The following MYO3B variants were observed in gnomAD, a reference collection of about 807,000 sequenced individuals.
MYO3B encodes the protein myosin IIIB.
Under a neutral mutation model 174.6 loss-of-function variants are expected in MYO3B, and 156 were observed. The observed-to-expected ratio is 0.89, with a 90% CI of 0.78 to 1.02. MYO3B has a LOEUF of 1.02. MYO3B is among the 50% of genes least tolerant of loss of function. MYO3B has a pLI of 0.00. For missense variants in MYO3B, 1,632 were observed against 1,639.4 expected (o/e 1.00, Z 0.08); for synonymous variants, 563 against 569.1 (o/e 0.99, Z 0.15).
intron 7 of MYO3B, among the ~76,000 whole-genome samples, chr2:170,247,550 C>A (rs748105966): frequency 1.3e-5 from 2 of 152,180 alleles, no homozygotes; most frequent in Non-Finnish European, 2.9e-5. Context: ...TTAGTTCATT[C>A]AAGCTGCTAT....
chr2:170,586,214 T>C (rs563233068), intron 32 of MYO3B, among the ~76,000 whole-genome samples: 277 of 152,310 alleles, frequency 1.8e-3, no homozygotes, highest in Middle Eastern at 0.014. Flanking sequence ...TATCTCTAGA[T>C]TCCTTTGTGT....
intron 32 of MYO3B, among the ~76,000 whole-genome samples, chr2:170,614,335 A>G (rs1363346135): frequency 6.6e-6 from 1 of 152,214 alleles, no homozygotes; most frequent in African/African-American, 2.4e-5. Context: ...ACTACTCAAC[A>G]CATAGTAGCT....
intron 32 of MYO3B, among the ~76,000 whole-genome samples, chr2:170,610,317 G>A (rs879546725): frequency 1.6e-4 from 24 of 151,498 alleles, no homozygotes; most frequent in Non-Finnish European, 1.9e-4. Context: ...CTCCAGCCTG[G>A]GTGACAGAGC....
chr2:170,533,853 A>AT (rs61670206), intron 30 of MYO3B, among the ~76,000 whole-genome samples: 5 of 152,060 alleles, frequency 3.3e-5, no homozygotes, highest in African/African-American at 7.2e-5. Flanking sequence ...AAATGCAATC[A>AT]TTTTTTCCTT....
In MYO3B at chr2:170,387,091, C is replaced by G. The variant is rs76973106; in HGVS notation, c.1375-15C>G. On this transcript the variant is annotated splice_polypyrimidine_tract_variant and intron_variant, in intron 13 of 34. Transcript: ENST00000408978. ...TTTCTGGAGTCTCTTCTTGACCGTT[C>G]TCTGTTTGGCACAGGCCAATAATCA... 0.02 allele frequency: 32,936 copies of G among 1,613,428 alleles called. 449 individuals are homozygous for G. The highest frequency in any genetic ancestry group is 0.022 in the Non-Finnish European group (26,194 of 1,179,502).
chr2:170,507,833 A>T (rs1199777926), intron 28 of MYO3B, among the ~76,000 whole-genome samples: 1 of 152,156 alleles, frequency 6.6e-6, no homozygotes, highest in Non-Finnish European at 1.5e-5. Context: ...CAGAGACAGG[A>T]TGGCCTGTGG....
At chr2:170,291,978 C>T (rs1043282967) in intron 7 of MYO3B, among the ~76,000 whole-genome samples, 2 of 152,068 alleles carry the variant, frequency 1.3e-5, no homozygotes, top group Non-Finnish European at 2.9e-5. Flanking sequence ...ACCTTTCTCA[C>T]ATTTTGGAAA....
At chr2:170,636,290 T>C (rs1697465309) in intron 32 of MYO3B, among the ~76,000 whole-genome samples, 1 of 151,874 alleles carries the variant, frequency 6.6e-6, no homozygotes, top group Non-Finnish European at 1.5e-5. Flanking sequence ...GGCCCTACTC[T>C]CAAAAACAGA....
chr2:170,455,788 A>G (rs1175638329), intron 23 of MYO3B, among the ~76,000 whole-genome samples: 2 of 152,222 alleles, frequency 1.3e-5, no homozygotes, highest in African/African-American at 4.8e-5. Flanking sequence ...ATCATTCACA[A>G]GGAACCAAAC....
intron 7 of MYO3B, among the ~76,000 whole-genome samples, chr2:170,294,345 C>G (rs887385471): frequency 2.7e-5 from 4 of 150,872 alleles, no homozygotes; most frequent in Admixed American, 6.6e-5. Context: ...AAAATTTATT[C>G]TAAAAACTAA....
intron 30 of MYO3B, among the ~76,000 whole-genome samples, chr2:170,521,659 C>G (rs1383512254): frequency 6.6e-6 from 1 of 152,178 alleles, no homozygotes; most frequent in East Asian, 1.9e-4. Context: ...GGTAGCACCT[C>G]CCCTGCTTTC....
chr2:170,363,570 C>T (rs998227105), intron 8 of MYO3B, among the ~76,000 whole-genome samples: 3 of 152,186 alleles, frequency 2.0e-5, no homozygotes, highest in African/African-American at 7.2e-5. Context: ...CTGTTTTTGG[C>T]AGAAGCCAGA....
rs2094382780 is a variant in MYO3B at position 170,387,212 on chromosome 2, A to G, written c.1481A>G (p.Lys494Arg). 3.1e-6 allele frequency: 5 copies of G among 1,614,058 alleles called. No homozygotes were observed. In the African/African-American group the frequency reaches 6.7e-5, roughly 22 times the overall value. The change falls in exon 14 of 35, where the codon AAA (lysine) becomes AGA (arginine). Residue 494 changes from lysine (K) to arginine (R), a missense_variant. Coordinates refer to ENST00000408978, the MANE Select transcript of MYO3B (RefSeq NM_138995.5). ...AINDNSSRFG[K>R]YLEMMFTPTG... ...AATGACAACTCGAGCCGTTTTGGAAAATATCTGGAAATGATGTTTACACCA... is the reference window on the plus strand; with the variant it reads ...AATGACAACTCGAGCCGTTTTGGAAGATATCTGGAAATGATGTTTACACCA...
rs2094222984 is a variant in MYO3B at position 170,369,370 on chromosome 2, A to G, written c.964A>G (p.Lys322Glu). The change falls in exon 9 of 35, where the codon AAA becomes GAA. Residue 322 changes from lysine (K) to glutamate (E), a missense_variant. Physicochemically the swap from Lys to Glu is moderately conservative, Grantham distance 56. Transcript: ENST00000408978. ...CCAGAAGCATCAAAATCCTGTTGCT[A>G]AAACCAGGTACTGTACTCTCTTTCT... ...QDQKHQNPVA[K>E]TRHERMHTRR... is the part of the protein sequence containing the mutation. The G allele has an allele frequency of 6.2e-7, 1 of 1,613,262 alleles. No homozygotes were observed. Among genetic ancestry groups the G allele is most frequent in the Non-Finnish European group, 8.5e-7 (1 of 1,179,488 alleles).
At chr2:170,248,498 T>G (rs1352917988) in intron 7 of MYO3B, among the ~76,000 whole-genome samples, 1 of 152,340 alleles carries the variant, frequency 6.6e-6, no homozygotes, top group South Asian at 2.1e-4. Flanking sequence ...GTCAGAAGTC[T>G]GAAATGGGTC....
At chr2:170,526,031 T>G (rs1408861627) in intron 30 of MYO3B, among the ~76,000 whole-genome samples, 2 of 152,144 alleles carry the variant, frequency 1.3e-5, no homozygotes, top group African/African-American at 4.8e-5. Context: ...GTGGTAGGAA[T>G]AGTAGCCTTC....
In MYO3B at chr2:170,271,775, A is replaced by T. The variant is rs552146718; in HGVS notation, c.749+35639A>T. 2.1e-4 allele frequency among the ~76,000 whole-genome samples: 32 copies of T among 152,290 alleles called. No homozygotes were observed. In the South Asian group the frequency reaches 6.6e-3, roughly 32 times the overall value. On this transcript the variant is annotated intron_variant, in intron 7 of 34. Transcript: ENST00000408978. ...AGAATTTTAACCACAAACAAGCCAA[A>T]TTTACTGAATTCTTCCTTTATGCCC...
chr2:170,513,835 G>C (rs185933625), intron 28 of MYO3B, among the ~76,000 whole-genome samples: 44 of 152,332 alleles, frequency 2.9e-4, no homozygotes, highest in South Asian at 1.0e-3. Flanking sequence ...GTGTGGAAAG[G>C]TGATGCCTGA....
chr2:170,327,661 G>T (rs1336306819), intron 7 of MYO3B, among the ~76,000 whole-genome samples: 2 of 151,928 alleles, frequency 1.3e-5, no homozygotes. Flanking sequence ...CTGATTGGGA[G>T]GTGCCTTTGT....
Sources: gnomAD v4.1 joint callset for allele counts (sites outside exome capture counted in the v4.1 genomes callset) on GRCh38, gnomAD v4.1.1 for gene constraint, MANE v1.5 for transcripts, NCBI Gene and HGNC (gene_info 2026-07-23, HGNC 2026-07-21) for gene names.